The following MYH2 variants were observed in gnomAD, a reference collection of about 807,000 sequenced individuals.
MYH2 encodes the protein myosin-2.
A neutral mutation model predicts 228.1 loss-of-function variants in MYH2; 139 were observed. That is an observed-to-expected ratio of 0.61 (90% CI 0.53 to 0.70). The LOEUF (loss-of-function observed/expected upper bound fraction) is 0.70, where lower values mean the gene tolerates loss of function less well. Among genes scored for constraint, MYH2 ranks in the 30% least tolerant of loss-of-function variants. MYH2 has a pLI of 0.00. For missense variants in MYH2, 1,809 were observed against 2,357.5 expected, an observed-to-expected ratio of 0.77 and a Z score of 4.82; for synonymous variants, 796 against 871.1, an observed-to-expected ratio of 0.91 and a Z score of 1.52.
At chr17:10,534,916 C>G in intron 19 of MYH2, 157 bp downstream of exon 19, 1 of 956,224 alleles carries the variant, frequency 1.0e-6, no homozygotes, top group Non-Finnish European at 1.6e-6. Flanking sequence ...GACTTTGTCT[C>G]AAAACAAAAG....
chr17:10,545,368 G>A lies in MYH2; in HGVS notation c.483C>T (p.Asn161=), dbSNP rs1597458366. 6 of 1,613,816 alleles carry A rather than the reference G, an allele frequency of 3.7e-6. No individual in the cohort carries two copies. The highest frequency in any genetic ancestry group is 1.7e-4 in the Middle Eastern group (1 of 5,918). Residue 161 remains asparagine, a synonymous_variant, in exon 5 of 40, where the codon AAC becomes AAT. Transcript: ENST00000245503. ...CACCAGTCAGCATGAACTGATAGGC[G>A]TTGTCAGAGATGGAGAAGATGTGGG... is the stretch of plus-strand genomic sequence containing the variant. ...APPHIFSISD[N]AYQFMLTDRE...
chr17:10,537,318 CA>C lies in MYH2; in HGVS notation c.1811del (p.Leu604ArgfsTer14). 6.2e-7 allele frequency: 1 copy of C among 1,614,224 alleles called. No homozygotes were observed. On this transcript the variant is annotated frameshift_variant, in exon 16 of 40. Transcript: ENST00000245503. LOFTEE classifies it high-confidence loss of function. The surrounding 1 kb of genome is among the most constrained non-coding windows in gnomAD (Gnocchi z 4.0). Reference protein sequence around the residue: ...TGWLEKNKDPLNETVVGLYQK... With the variant: ...TGWLEKNKDPXNETVVGLYQK... ...GGTACAGTCCAACCACGGTCTCATT[CA>C]GGGGGTCCTTGTTCTTCTCCAGCCA...
chr17:10,521,674 C>G (rs549587397), intron 39 of MYH2, among the ~76,000 whole-genome samples: 18 of 151,414 alleles, frequency 1.2e-4, no homozygotes, highest in African/African-American at 4.4e-4. Flanking sequence ...ATATGTACCA[C>G]AAGTAGAATA....
rs115404283 is a variant in MYH2, at chr17:10,524,156, G to A, written c.5176-272C>T. 0.014 allele frequency among the ~76,000 whole-genome samples: 2,101 copies of A among 152,196 alleles called. 62 individuals are homozygous for A. Among genetic ancestry groups the A allele is most frequent in the African/African-American group, 0.048 (1,992 of 41,514 alleles). ...CAATAGACCATTCACAGGGATAAAA[G>A]TATAATGGACTTTCTCATAACATTC... is the stretch of plus-strand genomic sequence containing the variant. On this transcript the variant is annotated intron_variant, in intron 35 of 39. Transcript: ENST00000245503. This position sits in a 1 kb window ranked among gnomAD's most constrained non-coding sequence, Gnocchi z 4.7.
Position 10,521,335 on chromosome 17 carries a change from T to A in MYH2, c.5771A>T (p.Asn1924Ile). ...ERADIAESQVNKLRVKSREVH... is the reference protein window; with the variant it reads ...ERADIAESQVIKLRVKSREVH... ...CTCCCGGCTCTTCACCCGCAGTTTG[T>A]TCACCTGGGACTCAGCAATGTCAGC... The change falls in exon 40 of 40, where the codon AAC becomes ATC. Residue 1924 changes from asparagine to isoleucine, a missense_variant. Transcript: ENST00000245503. 1 of 1,614,188 alleles carries A rather than the reference T, an allele frequency of 6.2e-7. No homozygotes were observed. The highest frequency in any genetic ancestry group is 8.5e-7 in the Non-Finnish European group (1 of 1,180,026).
At position 10,547,584 on chromosome 17, in the gene MYH2, A is replaced by G. The variant is rs764144162; in HGVS notation, c.239T>C (p.Met80Thr). The G allele has an allele frequency of 5.0e-6, 8 of 1,614,082 alleles. No homozygotes were observed. The highest frequency in any genetic ancestry group is 3.3e-5 in the South Asian group (3 of 91,076). The change falls in exon 4 of 40, where the codon ATG becomes ACG. Residue 80 changes from methionine (M) to threonine (T), a missense_variant. Physicochemically the swap from Met to Thr is moderately conservative, Grantham distance 81 (BLOSUM62 -1). Around this residue, in one of 9 missense-constraint regions of MYH2, gnomAD observed 373 missense variants for 620.4 expected, o/e 0.60. Transcript: ENST00000245503. ...LTVKDDQVFP[M>T]NPPKYDKIED... is the part of the protein sequence containing the mutation. Reference sequence around the variant, plus strand: ...GATCTTGTCATATTTGGGAGGGTTCATGGGGAAGACCTGATCATCCTTCAC... The same window carrying G: ...GATCTTGTCATATTTGGGAGGGTTCGTGGGGAAGACCTGATCATCCTTCAC...
chr17:10,529,587 T>G lies in MYH2; in HGVS notation c.3094A>C (p.Lys1032Gln). Residue 1032 changes from lysine (K) to glutamine (Q), a missense_variant, in exon 24 of 40, where the codon AAA (lysine) becomes CAA (glutamine). Physicochemically the swap from Lys to Gln is moderately conservative, Grantham distance 53. Coordinates refer to ENST00000245503, the MANE Select transcript of MYH2 (RefSeq NM_017534.6). ...KVNTLTKAKI[K>Q]LEQQVDDLEG... ...ACATCATCCACTTGTTGTTCAAGTT[T>G]GATTTTAGCTTTGGTCAGGGTGTTG... is the stretch of plus-strand genomic sequence containing the variant. 1 of 1,614,218 alleles carries G rather than the reference T, an allele frequency of 6.2e-7. No individual in the cohort carries two copies. Among genetic ancestry groups the G allele is most frequent in the Non-Finnish European group, 8.5e-7 (1 of 1,180,040 alleles).
chr17:10,539,880 T>C, intron 12 of MYH2, 48 bp downstream of exon 12: 1 of 1,612,220 alleles, frequency 6.2e-7, no homozygotes, highest in Non-Finnish European at 8.5e-7. Flanking sequence ...AAGTTAAGAA[T>C]GTGATTTTCA....
chr17:10,529,463 G>A lies in MYH2; in HGVS notation c.3136C>T (p.Gln1046Ter), dbSNP rs534927767. Reference sequence around the variant, plus strand: ...AGGTCCATGCGAAGTTTCTTTTCTTGCTCCAAGGACCCTTCAAGCTAAATA... The same window carrying A: ...AGGTCCATGCGAAGTTTCTTTTCTTACTCCAAGGACCCTTCAAGCTAAATA... ...QVDDLEGSLEQEKKLRMDLER... is the reference protein window; with the variant it reads ...QVDDLEGSLE The change falls in exon 25 of 40, where the codon CAA (glutamine) becomes TAA (stop). Residue 1046 changes from glutamine (Q) to a stop codon, truncating the protein, a stop_gained. Transcript: ENST00000245503. LOFTEE classifies it high-confidence loss of function. The A allele has an allele frequency of 6.2e-7, 1 of 1,614,036 alleles. No homozygotes were observed. Among genetic ancestry groups the A allele is most frequent in the South Asian group, 1.1e-5 (1 of 91,074 alleles).
intron 4 of MYH2, 120 bp from the exon 5 acceptor site, chr17:10,545,622 T>C: frequency 7.4e-7 from 1 of 1,346,788 alleles, no homozygotes; most frequent in South Asian, 1.2e-5. Flanking sequence ...TGGAGTGCAG[T>C]GGTGCTACCT....
In MYH2 at chr17:10,523,855, C is replaced by A; in HGVS notation, c.5205G>T (p.Lys1735Asn). 1 of 1,613,960 alleles carries A rather than the reference C, an allele frequency of 6.2e-7. No homozygotes were observed. Among genetic ancestry groups the A allele is most frequent in the Middle Eastern group, 1.6e-4 (1 of 6,062 alleles). ...QNTSLINTKKKLETDISQMQG... is the reference protein window; with the variant it reads ...QNTSLINTKKNLETDISQMQG... ...GCATTTGGGAAATATCTGTCTCCAG[C>A]TTCTTCTTGGTGTTGATCAGGCTGG... The change falls in exon 36 of 40, where the codon AAG becomes AAT. Residue 1735 changes from lysine to asparagine, a missense_variant. Lys to Asn is a moderately conservative substitution (Grantham distance 94). This residue lies in a region of MYH2 where 278 missense variants were observed against 308.5 expected (regional missense o/e 0.90). Coordinates refer to ENST00000245503, the MANE Select transcript of MYH2 (RefSeq NM_017534.6).
intron 19 of MYH2, among the ~76,000 whole-genome samples, chr17:10,534,159 T>G (rs2073456280): frequency 6.6e-6 from 1 of 152,204 alleles, no homozygotes; most frequent in South Asian, 2.1e-4. Context: ...TCCCCACCTC[T>G]GCCTTTTCTT....
intron 5 of MYH2, 78 bp downstream of exon 5, chr17:10,545,268 T>G (rs573269690): frequency 2.2e-4 from 357 of 1,599,692 alleles, no homozygotes; most frequent in Non-Finnish European, 2.7e-4. Context: ...AGGAATGTGT[T>G]GAGATTGCCT....
chr17:10,543,485 A>T (rs1221060071), intron 8 of MYH2, among the ~76,000 whole-genome samples: 2 of 152,226 alleles, frequency 1.3e-5, no homozygotes, highest in South Asian at 2.1e-4. Context: ...TAAAAATTTT[A>T]AAATTGTGAG....
rs2073308531 is a variant in MYH2 at position 10,523,416 on chromosome 17, C to T, written c.5473-4G>A. The stretch of plus-strand genomic sequence containing the variant: ...CCTCTCCTTCCAGCTCCCGTACCTG[C>T]AAATAAGTAGGCTCTTAAGAACTTT... On this transcript the variant is annotated splice_region_variant and splice_polypyrimidine_tract_variant and intron_variant, in intron 37 of 39. Coordinates refer to ENST00000245503, the MANE Select transcript of MYH2 (RefSeq NM_017534.6). 6.2e-7 allele frequency: 1 copy of T among 1,614,164 alleles called. No homozygotes were observed. Among genetic ancestry groups the T allele is most frequent in the Non-Finnish European group, 8.5e-7 (1 of 1,180,040 alleles).
At chr17:10,533,230 C>A in intron 21 of MYH2, 55 bp downstream of exon 21, 1 of 1,609,382 alleles carries the variant, frequency 6.2e-7, no homozygotes, top group South Asian at 1.1e-5. Context: ...TAACTGTAAG[C>A]CATTTCAAAT....
rs11078850 is a variant in MYH2, at chr17:10,545,452, A to T, written c.399T>A (p.Pro133=). 0.43 allele frequency: 692,561 copies of T among 1,613,874 alleles called. 156,192 individuals carry two copies. Among genetic ancestry groups the T allele is most frequent in the East Asian group, 0.83 (37,263 of 44,858 alleles). The part of the protein sequence containing the change: ...CVTVNPYKWL[P]VYKPEVVTAY... ...CTGTCACCACCTCGGGCTTATACACAGGCAGCCACTTGTAGGGGTTGACAG... is the reference window on the plus strand; with the variant it reads ...CTGTCACCACCTCGGGCTTATACACTGGCAGCCACTTGTAGGGGTTGACAG... The change falls in exon 5 of 40, where the codon CCT becomes CCA. Residue 133 remains proline, a synonymous_variant. Coordinates refer to ENST00000245503, the MANE Select transcript of MYH2 (RefSeq NM_017534.6).
Position 10,523,096 on chromosome 17 carries a change from C to T in MYH2, c.5667G>A (p.Glu1889=), listed in dbSNP as rs1335303103. The change falls in exon 39 of 40, where the codon GAG becomes GAA. Residue 1889 remains glutamate (E), a synonymous_variant. Transcript: ENST00000245503. Reference sequence around the variant, plus strand: ...CAATCTTAAAAATACTTACAGCCTCCTCAGCTTGTCTCTTATAAGATTTCA... The same window carrying T: ...CAATCTTAAAAATACTTACAGCCTCTTCAGCTTGTCTCTTATAAGATTTCA... ...AKVKSYKRQA[E]EAEEQSNTNL... 2 of 1,609,252 alleles carry T rather than the reference C, an allele frequency of 1.2e-6. No homozygotes were observed. Among genetic ancestry groups the T allele is most frequent in the East Asian group, 4.5e-5 (2 of 44,860 alleles).
At chr17:10,545,146 T>C (rs2073610654) in intron 5 of MYH2, among the ~76,000 whole-genome samples, 200 bp downstream of exon 5, 2 of 152,186 alleles carry the variant, frequency 1.3e-5, no homozygotes, top group South Asian at 4.1e-4. Flanking sequence ...TTTCAAAATT[T>C]AAGAGATCAT....
Sources: gnomAD v4.1 joint callset for allele counts (sites outside exome capture counted in the v4.1 genomes callset) on GRCh38, gnomAD v4.1.1 for gene constraint, gnomAD v4.1.1 regional missense constraint, Gnocchi (gnomAD v3.1) non-coding constraint, MANE v1.5 for transcripts, NCBI Gene and HGNC (gene_info 2026-07-23, HGNC 2026-07-21) for gene names.